Variants in FHIT observed in about 807,000 individuals in gnomAD.
FHIT encodes the protein fragile histidine triad diadenosine triphosphatase, also known as bis(5'-adenosyl)-triphosphatase.
In FHIT, 19 loss-of-function variants were observed where a neutral mutation model predicts 17.9. The observed-to-expected ratio is 1.06, with a 90% confidence interval of 0.74 to 1.56. FHIT has a LOEUF of 1.56. FHIT is among the 40% of genes most tolerant of loss of function. FHIT has a pLI of 0.00. For synonymous variants in FHIT, 81 were observed against 69.7 expected (o/e 1.16, Z -0.81); for missense variants, 248 against 189.2 (o/e 1.31, Z -1.82).
intron 7 of FHIT, among the ~76,000 whole-genome samples, chr3:59,971,474 T>C (rs1388016349): frequency 6.7e-6 from 1 of 149,466 alleles, no homozygotes; most frequent in Non-Finnish European, 1.5e-5. Flanking sequence ...AGATAGAACC[T>C]AAGGTTTCAT....
At chr3:60,430,168 C>G (rs949215464) in intron 5 of FHIT, among the ~76,000 whole-genome samples, 3 of 152,036 alleles carry the variant, frequency 2.0e-5, no homozygotes, top group African/African-American at 7.2e-5. Flanking sequence ...CTCAGCTGCT[C>G]TGTGGAGCTG....
At position 60,406,839 on chromosome 3, in the gene FHIT, A is replaced by G. The variant is rs936860588; in HGVS notation, c.103+130021T>C. 2.0e-5 allele frequency among the ~76,000 whole-genome samples: 3 copies of G among 152,240 alleles called. No individual in the cohort carries two copies. In the South Asian group the frequency reaches 6.2e-4, roughly 32 times the overall value. ...GTAGCCAAAATTGGGCACATTTCCC[A>G]ATTCAGGCCAATTAGATATTTCTCC... On this transcript the variant is annotated intron_variant, in intron 5 of 9. Coordinates refer to ENST00000492590, the MANE Select transcript of FHIT (RefSeq NM_002012.4).
chr3:61,204,067 A>G (rs1554599), intron 1 of FHIT, among the ~76,000 whole-genome samples: 65,891 of 152,148 alleles, frequency 0.43, 14,669 homozygotes, highest in East Asian at 0.58. Flanking sequence ...CTCAAAATAT[A>G]ATGTAAAACA....
At chr3:60,387,886 A>G (rs1487996105) in intron 5 of FHIT, among the ~76,000 whole-genome samples, 1 of 152,110 alleles carries the variant, frequency 6.6e-6, no homozygotes, top group Non-Finnish European at 1.5e-5. Flanking sequence ...GGCGGATCCC[A>G]CAGAGATGGT....
At chr3:60,761,083 G>A (rs1177072248) in intron 4 of FHIT, among the ~76,000 whole-genome samples, 1 of 152,030 alleles carries the variant, frequency 6.6e-6, no homozygotes, top group Non-Finnish European at 1.5e-5. Flanking sequence ...AGAAGAAGGG[G>A]GAGGGGGGAA....
chr3:60,029,897 C>CTGTGTGTGTCTGTGTGTGTGTGTGAGTG (rs1354637337), intron 5 of FHIT, among the ~76,000 whole-genome samples: 1 of 127,822 alleles, frequency 7.8e-6, no homozygotes, highest in Admixed American at 7.8e-5. Flanking sequence ...GTGTGTGTGT[C>CTGTGTGTGTCTGTGTGTGTGTGTGAGTG]TGTGTGTGTG....
At chr3:60,221,859 TATTTA>T (rs1428324384) in intron 5 of FHIT, among the ~76,000 whole-genome samples, 3 of 152,124 alleles carry the variant, frequency 2.0e-5, no homozygotes, top group South Asian at 2.1e-4. Flanking sequence ...ATCGCTGTCC[TATTTA>T]ATTTTTTTTT....
intron 5 of FHIT, among the ~76,000 whole-genome samples, chr3:60,113,103 C>T (rs1704752091): frequency 6.6e-6 from 1 of 152,200 alleles, no homozygotes; most frequent in Non-Finnish European, 1.5e-5. Flanking sequence ...AATTCTGTGT[C>T]TGCTTACCAA....
intron 4 of FHIT, among the ~76,000 whole-genome samples, chr3:60,569,753 A>ATT (rs1200159409): frequency 5.2e-5 from 3 of 57,218 alleles, no homozygotes; most frequent in African/African-American, 7.0e-5. Context: ...ATATATATAT[A>ATT]TATTTTTTTT....
At chr3:60,566,487 C>T (rs1193465130) in intron 4 of FHIT, among the ~76,000 whole-genome samples, 1 of 152,160 alleles carries the variant, frequency 6.6e-6, no homozygotes, top group African/African-American at 2.4e-5. Context: ...CTATGACCAA[C>T]CAACAGCCAA....
chr3:60,950,579 C>T (rs1442198526), intron 3 of FHIT, among the ~76,000 whole-genome samples: 6 of 151,338 alleles, frequency 4.0e-5, no homozygotes, highest in Admixed American at 1.3e-4. Context: ...TGCAGTGGCA[C>T]GATCTTGGCT....
At chr3:60,674,596 G>C (rs997155442) in intron 4 of FHIT, among the ~76,000 whole-genome samples, 19 of 152,218 alleles carry the variant, frequency 1.2e-4, no homozygotes, top group African/African-American at 4.6e-4. Context: ...GTTAGAACTG[G>C]TCTAGTTCAA....
intron 5 of FHIT, among the ~76,000 whole-genome samples, chr3:60,091,652 G>A (rs1283210390): frequency 6.6e-6 from 1 of 152,144 alleles, no homozygotes; most frequent in Admixed American, 6.5e-5. Context: ...TGATCATGGG[G>A]GCGGTTTCTC....
At chr3:60,921,744 T>G (rs1342191270) in intron 3 of FHIT, among the ~76,000 whole-genome samples, 1 of 152,092 alleles carries the variant, frequency 6.6e-6, no homozygotes, top group African/African-American at 2.4e-5. Context: ...GATCAGACCT[T>G]CCCTTTGTCT....
At chr3:59,998,774 G>T (rs1699616720) in intron 7 of FHIT, among the ~76,000 whole-genome samples, 1 of 152,074 alleles carries the variant, frequency 6.6e-6, no homozygotes. Flanking sequence ...CTTCCCTACA[G>T]ACTCTCAGAG....
chr3:60,478,819 A>G (rs1383302130), intron 5 of FHIT, among the ~76,000 whole-genome samples: 1 of 152,246 alleles, frequency 6.6e-6, no homozygotes, highest in Non-Finnish European at 1.5e-5. Context: ...AAGTATTCAT[A>G]AAAGACAAAC....
At chr3:61,207,280 C>A (rs2106727542) in intron 1 of FHIT, among the ~76,000 whole-genome samples, 1 of 152,168 alleles carries the variant, frequency 6.6e-6, no homozygotes, top group East Asian at 1.9e-4. Flanking sequence ...CTAAAATTCT[C>A]TTTTTTTGTT....
At chr3:60,558,593 C>A (rs1338168592) in intron 4 of FHIT, among the ~76,000 whole-genome samples, 1 of 152,048 alleles carries the variant, frequency 6.6e-6, no homozygotes, top group Non-Finnish European at 1.5e-5. Flanking sequence ...CCACTAAATG[C>A]ACATTCCCAG....
chr3:59,808,994 G>A (rs567917284), intron 8 of FHIT, among the ~76,000 whole-genome samples: 2 of 152,260 alleles, frequency 1.3e-5, no homozygotes, highest in Admixed American at 1.3e-4. Context: ...CATTTTCCCG[G>A]TGGTGATCAT....
Sources: gnomAD v4.1 joint callset for allele counts (sites outside exome capture counted in the v4.1 genomes callset) on GRCh38, gnomAD v4.1.1 for gene constraint, MANE v1.5 for transcripts, NCBI Gene and HGNC (gene_info 2026-07-23, HGNC 2026-07-21) for gene names.